Variants in ZNF804A observed in about 807,000 individuals in gnomAD.
The protein encoded by ZNF804A is zinc finger protein 804A.
Under a neutral mutation model 16.5 loss-of-function variants are expected in ZNF804A, and 2 were observed. The observed-to-expected ratio is 0.12, with a 90% confidence interval of 0.05 to 0.38. The LOEUF (loss-of-function observed/expected upper bound fraction) is 0.38. Among genes scored for constraint, ZNF804A ranks in the 10% least tolerant of loss-of-function variants. The pLI, the probability that ZNF804A is intolerant of heterozygous loss-of-function variation, is 0.99. For synonymous variants in ZNF804A, 534 were observed against 489.6 expected, an observed-to-expected ratio of 1.09 and a Z score of -1.20; for missense variants, 1,473 against 1,390.7, an observed-to-expected ratio of 1.06 and a Z score of -0.94.
chr2:184,671,100 A>G lies in ZNF804A; in HGVS notation c.111+72030A>G, dbSNP rs1410003070. 2.0e-5 allele frequency among the ~76,000 whole-genome samples: 3 copies of G among 152,234 alleles called. No homozygotes were observed. The South Asian group carries it at 6.2e-4, about 32-fold the overall frequency. On this transcript the variant is annotated intron_variant, in intron 1 of 3. Transcript: ENST00000302277. ...TGCCTAAAGTGATCACGTTCATACA[A>G]TAAGTTAGGGCCCCAAGCAGTAATC...
Position 184,937,059 on chromosome 2 carries a change from A to T in ZNF804A, c.1663A>T (p.Ile555Phe), listed in dbSNP as rs747358428. ...GQRYKNISCK[I>F]RETEKYNFTK... ...GAGGTATAAAAACATTTCCTGTAAGATCAGAGAAACAGAAAAGTATAATTT... is the reference window on the plus strand; with the variant it reads ...GAGGTATAAAAACATTTCCTGTAAGTTCAGAGAAACAGAAAAGTATAATTT... Residue 555 changes from isoleucine (I) to phenylalanine (F), a missense_variant, in exon 4 of 4, where the codon ATC (isoleucine) becomes TTC (phenylalanine). By Grantham distance (21) the Ile-to-Phe change is conservative (BLOSUM62 0). Transcript: ENST00000302277. The T allele has an allele frequency of 1.9e-6, 3 of 1,604,618 alleles. No individual in the cohort carries two copies. Among genetic ancestry groups the T allele is most frequent in the Non-Finnish European group, 2.5e-6 (3 of 1,177,514 alleles).
chr2:184,708,901 C>G (rs544643382), intron 1 of ZNF804A, among the ~76,000 whole-genome samples: 13 of 152,134 alleles, frequency 8.5e-5, no homozygotes, highest in Admixed American at 4.6e-4. Flanking sequence ...CTATTTCAAT[C>G]TTCTTACTAC....
intron 1 of ZNF804A, among the ~76,000 whole-genome samples, chr2:184,776,897 T>C (rs1008591865): frequency 4.6e-5 from 7 of 151,562 alleles, no homozygotes; most frequent in African/African-American, 1.7e-4. Context: ...GTTTATTTCA[T>C]GTTGAAGTGT....
chr2:184,847,836 A>C (rs1695544186), intron 1 of ZNF804A, among the ~76,000 whole-genome samples: 1 of 152,034 alleles, frequency 6.6e-6, no homozygotes, highest in Non-Finnish European at 1.5e-5. Context: ...TGACTCAGAG[A>C]ACTCAGGCAA....
intron 1 of ZNF804A, among the ~76,000 whole-genome samples, chr2:184,613,009 T>C (rs1442277616): frequency 2.0e-5 from 3 of 152,276 alleles, no homozygotes; most frequent in African/African-American, 7.2e-5. Context: ...TGTTTCCTTA[T>C]GTGATACCAC....
intron 1 of ZNF804A, among the ~76,000 whole-genome samples, chr2:184,834,875 T>A (rs1216929584): frequency 6.6e-6 from 1 of 152,162 alleles, no homozygotes; most frequent in African/African-American, 2.4e-5. Flanking sequence ...GATTATGCAA[T>A]TATGCAATTC....
intron 1 of ZNF804A, among the ~76,000 whole-genome samples, chr2:184,778,369 C>G (rs1694320487): frequency 6.6e-6 from 1 of 151,386 alleles, no homozygotes; most frequent in African/African-American, 2.4e-5. Flanking sequence ...AAAAAGCTAA[C>G]AATATTTTAC....
intron 1 of ZNF804A, among the ~76,000 whole-genome samples, chr2:184,702,904 C>T (rs1209338725): frequency 1.3e-5 from 2 of 152,126 alleles, no homozygotes; most frequent in Non-Finnish European, 2.9e-5. Flanking sequence ...TGTTCCTTCT[C>T]ATTTTGTCAG....
At chr2:184,641,246 C>T (rs1010692685) in intron 1 of ZNF804A, among the ~76,000 whole-genome samples, 7 of 152,214 alleles carry the variant, frequency 4.6e-5, no homozygotes, top group African/African-American at 1.4e-4. Context: ...CCATCATACC[C>T]AGCCAAAACT....
At chr2:184,643,350 A>T (rs1443660753) in intron 1 of ZNF804A, among the ~76,000 whole-genome samples, 1 of 152,024 alleles carries the variant, frequency 6.6e-6, no homozygotes, top group East Asian at 1.9e-4. Flanking sequence ...CTTTTCCCAT[A>T]AATGGCAATA....
chr2:184,917,685 A>G (rs1011640258), intron 2 of ZNF804A, among the ~76,000 whole-genome samples: 8 of 151,790 alleles, frequency 5.3e-5, no homozygotes, highest in East Asian at 1.9e-4. Flanking sequence ...GTGTGTGTGT[A>G]TATATATAGG....
At chr2:184,817,647 C>T (rs965590662) in intron 1 of ZNF804A, among the ~76,000 whole-genome samples, 2 of 151,958 alleles carry the variant, frequency 1.3e-5, no homozygotes, top group Middle Eastern at 3.4e-3. Flanking sequence ...TGCAAGGAAA[C>T]TAAGAATCAT....
rs533704955 is a variant in ZNF804A at position 184,616,181 on chromosome 2, G to A, written c.111+17111G>A. On this transcript the variant is annotated intron_variant, in intron 1 of 3. Coordinates refer to ENST00000302277, the MANE Select transcript of ZNF804A (RefSeq NM_194250.2). ...TTTCTGGGTTTTCCAGAGTTTTCAC[G>A]TGTTTCACACCTTCCTTTGCTTCCC... Among the ~76,000 whole-genome samples, 7 of 151,708 alleles carry A rather than the reference G, an allele frequency of 4.6e-5. No homozygotes were observed. In the South Asian group the frequency reaches 8.3e-4, roughly 18 times the overall value.
At chr2:184,875,168 G>A (rs1420954503) in intron 2 of ZNF804A, among the ~76,000 whole-genome samples, 1 of 152,208 alleles carries the variant, frequency 6.6e-6, no homozygotes, top group Non-Finnish European at 1.5e-5. Flanking sequence ...CCTAGTTAAT[G>A]TGACTCTTCA....
chr2:184,869,982 C>T (rs576135329), intron 2 of ZNF804A, among the ~76,000 whole-genome samples: 2 of 152,060 alleles, frequency 1.3e-5, no homozygotes, highest in Admixed American at 1.3e-4. Flanking sequence ...CAATAGCTCA[C>T]AAATTACAGT....
chr2:184,697,222 AC>A (rs138530856), intron 1 of ZNF804A, among the ~76,000 whole-genome samples: 2,847 of 152,212 alleles, frequency 0.019, 43 homozygotes, highest in Non-Finnish European at 0.031. Flanking sequence ...GAGGTCACCA[AC>A]AAATCATAGA....
intron 1 of ZNF804A, among the ~76,000 whole-genome samples, chr2:184,851,937 G>A (rs990662006): frequency 1.3e-5 from 2 of 151,818 alleles, no homozygotes; most frequent in Admixed American, 6.6e-5. Context: ...GATGATTAGT[G>A]ATACTGAGCA....
intron 1 of ZNF804A, among the ~76,000 whole-genome samples, chr2:184,657,239 C>T (rs1284293064): frequency 6.6e-6 from 1 of 152,112 alleles, no homozygotes; most frequent in African/African-American, 2.4e-5. Context: ...GCATACACCC[C>T]AATGCCTGGC....
chr2:184,930,430 T>A (rs1685679410), intron 2 of ZNF804A, among the ~76,000 whole-genome samples: 1 of 152,220 alleles, frequency 6.6e-6, no homozygotes, highest in African/African-American at 2.4e-5. Flanking sequence ...AGTCTTATCC[T>A]ACACAAATAT....
Sources: allele counts gnomAD v4.1 joint callset (sites outside exome capture counted in the v4.1 genomes callset), GRCh38; gene constraint gnomAD v4.1.1; transcripts MANE v1.5; gene names NCBI Gene and HGNC (gene_info 2026-07-23, HGNC 2026-07-21).